Variants in AFF1 observed in about 807,000 individuals in gnomAD.
AFF1 encodes ALF transcription elongation factor 1, also known as AF4/FMR2 family member 1.
AFF1 carries 48 observed loss-of-function variants against 121.7 expected under a neutral mutation model. The observed-to-expected ratio is 0.39, with a 90% CI of 0.31 to 0.50. The LOEUF is 0.50. Ranked by LOEUF, AFF1 falls within the 20% of genes least tolerant of loss-of-function variation. The probability of loss-of-function intolerance (pLI) is 0.76; values close to 1 mark genes in which losing one functional copy is unlikely to be tolerated. For missense variants in AFF1, 1,523 were observed against 1,511.7 expected (o/e 1.01, Z -0.12); for synonymous variants, 613 against 563.0 (o/e 1.09, Z -1.26).
intron 8 of AFF1, among the ~76,000 whole-genome samples, chr4:87,104,549 T>C (rs1353090395): frequency 6.6e-6 from 1 of 152,224 alleles, no homozygotes; most frequent in Admixed American, 6.5e-5. Context: ...TACCACCTCA[T>C]GTAGGCGGTC....
chr4:87,135,742 G>C lies in AFF1; in HGVS notation c.*41G>C. 2 of 1,589,980 alleles carry C rather than the reference G, an allele frequency of 1.3e-6. No homozygotes were observed. The highest frequency in any genetic ancestry group is 1.7e-6 in the Non-Finnish European group (2 of 1,166,802). On this transcript the variant is annotated 3_prime_UTR_variant, in exon 21 of 21. Transcript: ENST00000395146. ...ATTCAATGCCTTGGGAACTATTTTT[G>C]CACATTGGAAGCCTCAAAAACAGTC... is the stretch of plus-strand genomic sequence containing the variant.
chr4:86,994,085 A>ACAAGG (rs1195651198), intron 2 of AFF1, among the ~76,000 whole-genome samples: 2 of 152,276 alleles, frequency 1.3e-5, no homozygotes, highest in Non-Finnish European at 2.9e-5. Context: ...CTGCAGCCTT[A>ACAAGG]CTTTAAGTAA....
chr4:86,949,550 T>A lies in AFF1; in HGVS notation c.38+979T>A, dbSNP rs1303271165. 63 of 613,056 alleles carry A rather than the reference T, an allele frequency of 1.0e-4. No individual in the cohort carries two copies. The African/African-American group carries it at 1.2e-3, about 12-fold the overall frequency. 38.0% of individuals were successfully genotyped at this position (613,056 alleles called of 1,614,324 possible). On this transcript the variant is annotated intron_variant, in intron 2 of 20. Transcript: ENST00000395146. ...ATTATTATTATTATTTTTTTTTTTTTTTTTTTCCCGACTGGGGCAGGCGGG... is the reference window on the plus strand; with the variant it reads ...ATTATTATTATTATTTTTTTTTTTTATTTTTTCCCGACTGGGGCAGGCGGG...
rs1478730287 is a variant in AFF1, at chr4:87,135,615, T to G, written c.3571T>G (p.Leu1191Val). 1 of 1,611,552 alleles carries G rather than the reference T, an allele frequency of 6.2e-7. No homozygotes were observed. Among genetic ancestry groups the G allele is most frequent in the Non-Finnish European group, 8.5e-7 (1 of 1,178,698 alleles). The change falls in exon 21 of 21, where the codon TTG becomes GTG. Residue 1191 changes from leucine to valine, a missense_variant. Around this residue, in one of 5 missense-constraint regions of AFF1, gnomAD observed 241 missense variants for 265.2 expected, o/e 0.91. Transcript: ENST00000395146. ...TCGGCTCAGCACAAATGTGTGCACCTTGGCCCTCAACAGCAGTTTGGTGGA... is the reference window on the plus strand; with the variant it reads ...TCGGCTCAGCACAAATGTGTGCACCGTGGCCCTCAACAGCAGTTTGGTGGA... ...FARLSTNVCT[L>V]ALNSSLVDLV...
intron 2 of AFF1, among the ~76,000 whole-genome samples, chr4:86,953,982 A>G (rs1011907341): frequency 1.3e-5 from 2 of 152,140 alleles, no homozygotes; most frequent in Non-Finnish European, 2.9e-5. Context: ...AAGTGCTGGG[A>G]TTACAGGCGT....
intron 4 of AFF1, among the ~76,000 whole-genome samples, chr4:87,053,702 G>A (rs180723428): frequency 6.6e-6 from 1 of 152,312 alleles, no homozygotes; most frequent in East Asian, 1.9e-4. Flanking sequence ...TGGTGCTGGG[G>A]ATGAGAGGTT....
At chr4:87,049,095 A>G (rs1296782849) in intron 4 of AFF1, among the ~76,000 whole-genome samples, 18 of 113,040 alleles carry the variant, frequency 1.6e-4, no homozygotes, top group African/African-American at 4.9e-4. Flanking sequence ...AAAAAAAAAA[A>G]GGGGGGGGGG....
intron 2 of AFF1, among the ~76,000 whole-genome samples, chr4:87,040,853 G>A (rs374912322): frequency 6.8e-6 from 1 of 146,374 alleles, no homozygotes; most frequent in Non-Finnish European, 1.5e-5. Flanking sequence ...GATTACAGGC[G>A]TGAGCCACCA....
At chr4:87,084,188 C>T in intron 5 of AFF1, 24 bp downstream of exon 5, 2 of 1,607,932 alleles carry the variant, frequency 1.2e-6, no homozygotes, top group Non-Finnish European at 1.7e-6. Flanking sequence ...TAATCTTTCT[C>T]ATTTGAAGAA....
chr4:86,962,458 AT>A (rs974290696), intron 2 of AFF1, among the ~76,000 whole-genome samples: 4 of 152,234 alleles, frequency 2.6e-5, no homozygotes, highest in African/African-American at 9.6e-5. Context: ...CTCAATAGAC[AT>A]TTAATAAATA....
intron 2 of AFF1, among the ~76,000 whole-genome samples, chr4:86,997,988 C>G (rs1359809881): frequency 1.3e-5 from 2 of 149,402 alleles, no homozygotes; most frequent in African/African-American, 5.0e-5. Context: ...ATCACAGCTA[C>G]TTGGGAGGCT....
At chr4:87,019,889 G>GGGC (rs1553918038) in intron 2 of AFF1, among the ~76,000 whole-genome samples, 1 of 132,850 alleles carries the variant, frequency 7.5e-6, no homozygotes, top group Non-Finnish European at 1.6e-5. Flanking sequence ...GGGGTCGGGG[G>GGGC]GGGGCAGTCT....
intron 2 of AFF1, among the ~76,000 whole-genome samples, chr4:86,997,101 G>A (rs940752117): frequency 2.6e-5 from 4 of 152,118 alleles, no homozygotes; most frequent in Admixed American, 2.6e-4. Context: ...TGGTAGAGAC[G>A]GGGTTTCACC....
chr4:87,009,161 A>G (rs531113112), intron 2 of AFF1, among the ~76,000 whole-genome samples: 1 of 152,356 alleles, frequency 6.6e-6, no homozygotes, highest in African/African-American at 2.4e-5. Context: ...AAGCAGCTTT[A>G]ATTGGATTAG....
intron 11 of AFF1, among the ~76,000 whole-genome samples, chr4:87,110,647 T>A (rs936689446): frequency 2.6e-5 from 4 of 152,160 alleles, no homozygotes; most frequent in South Asian, 2.1e-4. Context: ...TAAAAAAAAA[T>A]TTTGCACTCA....
chr4:87,094,678 T>G (rs1724649454), intron 7 of AFF1, among the ~76,000 whole-genome samples: 1 of 152,212 alleles, frequency 6.6e-6, no homozygotes, highest in African/African-American at 2.4e-5. Flanking sequence ...GTTCCTGGCG[T>G]CATAGGTAGG....
intron 8 of AFF1, among the ~76,000 whole-genome samples, chr4:87,101,204 C>T (rs751011213): frequency 6.6e-6 from 1 of 152,172 alleles, no homozygotes; most frequent in Non-Finnish European, 1.5e-5. Flanking sequence ...TTTGTAACCT[C>T]CCACCATCTC....
chr4:87,017,097 A>G (rs1302971410), intron 2 of AFF1, among the ~76,000 whole-genome samples: 1 of 112,070 alleles, frequency 8.9e-6, no homozygotes, highest in African/African-American at 3.4e-5. Context: ...GTGTATATAT[A>G]TGTGTTTTTT....
chr4:87,127,752 A>T, intron 16 of AFF1, 49 bp downstream of exon 16: 1 of 1,602,534 alleles, frequency 6.2e-7, no homozygotes, highest in Non-Finnish European at 8.5e-7. Flanking sequence ...CTGATAGTAA[A>T]AAAAATTTTT....
Sources: gnomAD v4.1 joint callset for allele counts (sites outside exome capture counted in the v4.1 genomes callset) on GRCh38, gnomAD v4.1.1 for gene constraint, gnomAD v4.1.1 regional missense constraint, MANE v1.5 for transcripts, NCBI Gene and HGNC (gene_info 2026-07-23, HGNC 2026-07-21) for gene names.